COL5A2: variants seen among roughly 807,000 people sequenced by gnomAD.
The protein encoded by COL5A2 is collagen type V alpha 2 chain.
In COL5A2, 23 loss-of-function variants were observed where a neutral mutation model predicts 208.2. The ratio of observed to expected loss-of-function variants is 0.11; its 90% CI spans 0.08 to 0.16. The LOEUF (loss-of-function observed/expected upper bound fraction) is 0.16, where lower values mean the gene tolerates loss of function less well. COL5A2 is among the 10% of genes least tolerant of loss of function. COL5A2 has a pLI of 1.00. For missense variants in COL5A2, 1,590 were observed against 1,956.4 expected, an observed-to-expected ratio of 0.81 and a Z score of 3.53; for synonymous variants, 625 against 628.5, an observed-to-expected ratio of 0.99 and a Z score of 0.08.
the COL5A2 span, among the ~76,000 whole-genome samples, chr2:189,269,386 ACT>A: frequency 6.6e-6 from 1 of 151,768 alleles, no homozygotes; most frequent in Non-Finnish European, 1.5e-5. Context: ...TGCATAAATA[ACT>A]CTTATTATTT....
At chr2:189,223,805 G>T (rs909521887) in intron 1 of COL5A2, among the ~76,000 whole-genome samples, 2 of 152,134 alleles carry the variant, frequency 1.3e-5, no homozygotes, top group African/African-American at 4.8e-5. Context: ...ACTGATTGGA[G>T]CTGGATACTA....
At chr2:189,311,972 A>C in the COL5A2 span, 1 of 749,976 alleles carries the variant, frequency 1.3e-6, no homozygotes, top group Non-Finnish European at 2.4e-6. Context: ...ATTGGTCATC[A>C]GTGACCTTGT....
intron 1 of COL5A2, among the ~76,000 whole-genome samples, chr2:189,219,346 A>G (rs991541768): frequency 3.3e-5 from 5 of 152,120 alleles, no homozygotes; most frequent in Admixed American, 3.3e-4. Context: ...ACTCTTCTAT[A>G]TTTGTATTTG....
intron 17 of COL5A2, among the ~76,000 whole-genome samples, chr2:189,074,550 T>C (rs547620748): frequency 6.6e-6 from 1 of 152,310 alleles, no homozygotes; most frequent in East Asian, 1.9e-4. Flanking sequence ...TTTCCAAAAC[T>C]ACATTTGAAA....
chr2:189,337,205 C>T, the COL5A2 span, among the ~76,000 whole-genome samples: 1 of 141,378 alleles, frequency 7.1e-6, no homozygotes, highest in Non-Finnish European at 1.5e-5. Context: ...TTTTTTGAGA[C>T]GGAGTCTCGC....
At chr2:189,155,965 T>A (rs1481456769) in intron 1 of COL5A2, among the ~76,000 whole-genome samples, 1 of 152,148 alleles carries the variant, frequency 6.6e-6, no homozygotes, top group Non-Finnish European at 1.5e-5. Context: ...AGAAGAGTGG[T>A]ATCTTCAAAT....
the COL5A2 span, among the ~76,000 whole-genome samples, chr2:189,283,762 TG>T: frequency 6.6e-6 from 1 of 152,194 alleles, no homozygotes; most frequent in East Asian, 1.9e-4. Flanking sequence ...AAATTAGGTG[TG>T]GGATATATGG....
At chr2:189,046,478 C>T (rs1559077200) in intron 45 of COL5A2, among the ~76,000 whole-genome samples, 1 of 152,090 alleles carries the variant, frequency 6.6e-6, no homozygotes, top group Non-Finnish European at 1.5e-5. Flanking sequence ...AGGCACTGAA[C>T]TAAGGGACTT....
chr2:189,428,231 A>G, the COL5A2 span, among the ~76,000 whole-genome samples: 1 of 152,314 alleles, frequency 6.6e-6, no homozygotes, highest in South Asian at 2.1e-4. Context: ...CTGGAGGTAG[A>G]AGGTGACTGA....
upstream of COL5A2, among the ~76,000 whole-genome samples, chr2:189,182,443 T>G (rs1291146147): frequency 6.6e-6 from 1 of 152,190 alleles, no homozygotes; most frequent in African/African-American, 2.4e-5. Context: ...ACTTCAGTGA[T>G]GTCTGACTCC....
the COL5A2 span, among the ~76,000 whole-genome samples, chr2:189,245,447 T>C: frequency 6.6e-6 from 1 of 151,974 alleles, no homozygotes; most frequent in Non-Finnish European, 1.5e-5. Flanking sequence ...CTACTATATC[T>C]GTTTTATTTT....
At chr2:189,427,981 C>T in the COL5A2 span, among the ~76,000 whole-genome samples, 4 of 152,294 alleles carry the variant, frequency 2.6e-5, no homozygotes, top group South Asian at 2.1e-4. Flanking sequence ...AAGAAACTAG[C>T]TTGTTTTTTA....
At chr2:189,146,415 A>G (rs1160138168) in intron 1 of COL5A2, among the ~76,000 whole-genome samples, 1 of 152,108 alleles carries the variant, frequency 6.6e-6, no homozygotes. Flanking sequence ...AGACATACAG[A>G]ATGCACATTG....
chr2:189,064,909 AGCCCAT>A, intron 24 of COL5A2, 89 bp downstream of exon 24: 1 of 1,186,438 alleles, frequency 8.4e-7, no homozygotes, highest in Middle Eastern at 1.9e-4. Context: ...TCTGGATCTG[AGCCCAT>A]GCAGGCCATA....
intron 35 of COL5A2, chr2:189,056,719 A>G (rs2105573399): frequency 3.6e-6 from 2 of 548,054 alleles, no homozygotes; most frequent in Non-Finnish European, 6.5e-6. Flanking sequence ...AGAAAGATAA[A>G]GAGGGCCCCC....
the COL5A2 span, among the ~76,000 whole-genome samples, chr2:189,324,408 T>C: frequency 6.6e-6 from 1 of 152,048 alleles, no homozygotes; most frequent in Non-Finnish European, 1.5e-5. Flanking sequence ...ATTTTTGCAA[T>C]CTACTCATCT....
At chr2:189,160,828 CTTTT>C (rs1013116673) in intron 1 of COL5A2, among the ~76,000 whole-genome samples, 3 of 132,014 alleles carry the variant, frequency 2.3e-5, no homozygotes, top group Non-Finnish European at 4.9e-5. Flanking sequence ...TTTCTTTTTC[CTTTT>C]TTTTTTTTTT....
the COL5A2 span, among the ~76,000 whole-genome samples, chr2:189,246,478 T>G: frequency 1.3e-5 from 2 of 152,178 alleles, no homozygotes; most frequent in Non-Finnish European, 2.9e-5. Context: ...ATAAAAACTA[T>G]CCCAGTGGCA....
chr2:189,064,619 C>G lies in COL5A2; in HGVS notation c.1654G>C (p.Gly552Arg). Reference protein sequence around the residue: ...QGERGPVGSSGPKGSQGDPGR... With the variant: ...QGERGPVGSSRPKGSQGDPGR... ...GGATCCCCCTGGCTTCCTTTGGGTCCTGAAGAACCTACAGGACCCCGTTCT... is the reference window on the plus strand; with the variant it reads ...GGATCCCCCTGGCTTCCTTTGGGTCGTGAAGAACCTACAGGACCCCGTTCT... Residue 552 changes from glycine (G) to arginine (R), a missense_variant, in exon 25 of 54, where the codon GGA (glycine) becomes CGA (arginine). Physicochemically the swap from Gly to Arg is moderately radical, Grantham distance 125. Coordinates refer to ENST00000374866, the MANE Select transcript of COL5A2 (RefSeq NM_000393.5). The G allele has an allele frequency of 6.2e-7, 1 of 1,613,946 alleles. No individual in the cohort carries two copies. Among genetic ancestry groups the G allele is most frequent in the Non-Finnish European group, 8.5e-7 (1 of 1,179,972 alleles).
Sources: allele counts gnomAD v4.1 joint callset (sites outside exome capture counted in the v4.1 genomes callset), GRCh38; gene constraint gnomAD v4.1.1; transcripts MANE v1.5; gene names NCBI Gene and HGNC (gene_info 2026-07-23, HGNC 2026-07-21).